Variants in LRP8 observed in about 807,000 individuals in gnomAD.
LRP8 encodes the protein LDL receptor related protein 8.
A neutral mutation model predicts 111.6 loss-of-function variants in LRP8; 46 were observed. The observed-to-expected ratio is 0.41, with a 90% CI of 0.33 to 0.53. LRP8 has a LOEUF of 0.53. Among genes scored for constraint, LRP8 ranks in the 20% least tolerant of loss-of-function variants. The probability of loss-of-function intolerance (pLI) is 0.20; values close to 1 mark genes in which losing one functional copy is unlikely to be tolerated. For missense variants in LRP8, 959 were observed against 1,297.4 expected (o/e 0.74, Z 4.01); for synonymous variants, 464 against 511.2 (o/e 0.91, Z 1.24).
intron 10 of LRP8, among the ~76,000 whole-genome samples, chr1:53,263,477 A>G (rs193005089): frequency 6.4e-4 from 98 of 152,334 alleles, no homozygotes; most frequent in African/African-American, 2.2e-3. Context: ...AACCATCTCA[A>G]GATATCCACA....
rs985056116 is a variant in LRP8, at chr1:53,275,630, C to T, written c.1006+1G>A. ...GTGTTCTGTGCCCTGACCACACGCA[C>T]CCTGTAGGCAGCCAGCTTCATCACT... On this transcript the variant is annotated splice_donor_variant, in intron 6 of 18. Transcript: ENST00000306052. LOFTEE classifies it high-confidence loss of function. The surrounding 1 kb of genome is among the most constrained non-coding windows in gnomAD (Gnocchi z 4.4). 7 of 1,613,824 alleles carry T rather than the reference C, an allele frequency of 4.3e-6. No homozygotes were observed. The highest frequency in any genetic ancestry group is 1.3e-5 in the African/African-American group (1 of 74,900).
chr1:53,256,051 T>C (rs569251521), intron 15 of LRP8, among the ~76,000 whole-genome samples: 1 of 152,364 alleles, frequency 6.6e-6, no homozygotes, highest in Non-Finnish European at 1.5e-5. Context: ...TGCCATGCCA[T>C]CTTTCTCACT....
intron 8 of LRP8, among the ~76,000 whole-genome samples, chr1:53,269,593 G>T (rs1452793148): frequency 6.6e-6 from 1 of 152,068 alleles, no homozygotes; most frequent in Admixed American, 6.6e-5. Context: ...GGGATTACAA[G>T]CGTGAGCCAC....
chr1:53,313,751 G>A (rs1191688055), intron 2 of LRP8, among the ~76,000 whole-genome samples: 1 of 152,176 alleles, frequency 6.6e-6, no homozygotes, highest in Admixed American at 6.5e-5. Flanking sequence ...GACCTGGAGA[G>A]GAGACAGGTA....
intron 8 of LRP8, among the ~76,000 whole-genome samples, chr1:53,269,329 T>A (rs984305841): frequency 1.2e-4 from 19 of 152,038 alleles, no homozygotes; most frequent in East Asian, 5.8e-4. Flanking sequence ...TATTATTTTT[T>A]TTTTTAGAAA....
At chr1:53,305,163 G>A (rs1651703189) in intron 2 of LRP8, 1 of 152,350 alleles carries the variant, frequency 6.6e-6, no homozygotes, top group South Asian at 2.1e-4. Context: ...CACAAAAACA[G>A]GTGAAGGAAC....
intron 1 of LRP8, 109 bp downstream of exon 1, chr1:53,327,680 A>G: frequency 7.7e-7 from 1 of 1,292,518 alleles, no homozygotes; most frequent in East Asian, 3.4e-5. Flanking sequence ...TCCGCCCGGG[A>G]GCCCCCGATA....
chr1:53,324,385 C>T (rs1408069861), intron 2 of LRP8, among the ~76,000 whole-genome samples: 1 of 152,162 alleles, frequency 6.6e-6, no homozygotes. Context: ...TTTATGGCTA[C>T]CAGGAGTCCG....
chr1:53,302,066 GGA>G (rs1219922563), intron 2 of LRP8, among the ~76,000 whole-genome samples: 1 of 152,140 alleles, frequency 6.6e-6, no homozygotes, highest in Non-Finnish European at 1.5e-5. Context: ...TCTGCTGGAG[GGA>G]GAGGAGGCAG....
At chr1:53,253,766 C>T (rs528157486) in intron 16 of LRP8, among the ~76,000 whole-genome samples, 81 of 152,274 alleles carry the variant, frequency 5.3e-4, no homozygotes, top group Admixed American at 2.8e-3. Context: ...TCTCCAGAAG[C>T]GCCACTTTTA....
intron 2 of LRP8, among the ~76,000 whole-genome samples, 196 bp downstream of exon 2, chr1:53,326,677 C>T (rs1487021824): frequency 6.6e-6 from 1 of 152,160 alleles, no homozygotes; most frequent in Non-Finnish European, 1.5e-5. Flanking sequence ...CGCCAGCTTT[C>T]CTGCCCGCTC....
rs571607839 is a variant in LRP8 at position 53,260,575 on chromosome 1, C to T, written c.1945G>A (p.Glu649Lys). The change falls in exon 13 of 19, where the codon GAG (glutamate) becomes AAG (lysine). Residue 649 changes from glutamate to lysine, a missense_variant. Physicochemically the swap from Glu to Lys is moderately conservative, Grantham distance 56. Coordinates refer to ENST00000306052, the MANE Select transcript of LRP8 (RefSeq NM_004631.5). ...DKVFWTDLEN[E>K]AIFSANRLNG... ...AGCCGATTTGCACTGAAAATGGCCT[C>T]GTTCTCCAGGTCTGTCCAGAACACC... The T allele has an allele frequency of 8.7e-6, 14 of 1,614,170 alleles. No individual in the cohort carries two copies. Among genetic ancestry groups the T allele is most frequent in the Admixed American group, 5.0e-5 (3 of 60,026 alleles).
At chr1:53,269,675 A>G (rs1297114991) in intron 8 of LRP8, among the ~76,000 whole-genome samples, 3 of 151,970 alleles carry the variant, frequency 2.0e-5, no homozygotes, top group Admixed American at 6.6e-5. Context: ...ATTCCATTTA[A>G]AACTAGAACC....
At chr1:53,302,083 G>C (rs936216114) in intron 2 of LRP8, among the ~76,000 whole-genome samples, 3 of 152,090 alleles carry the variant, frequency 2.0e-5, no homozygotes, top group African/African-American at 2.4e-5. Flanking sequence ...AGGCAGGCCT[G>C]GGGAGGGCTC....
chr1:53,317,680 C>A lies in LRP8; in HGVS notation c.244+9193G>T, dbSNP rs753612620. Among the ~76,000 whole-genome samples, 4 of 152,198 alleles carry A rather than the reference C, an allele frequency of 2.6e-5. No homozygotes were observed. Among genetic ancestry groups the A allele is most frequent in the Non-Finnish European group, 5.9e-5 (4 of 68,034 alleles). On this transcript the variant is annotated intron_variant, in intron 2 of 18. Transcript: ENST00000306052. This position sits in a 1 kb window ranked among gnomAD's most constrained non-coding sequence, Gnocchi z 4.9. ...GGAAACGCTCATTTTCAGGGCCAGG[C>A]TCTGGGCAAAGTACTTTCCTCAGCC...
intron 15 of LRP8, among the ~76,000 whole-genome samples, chr1:53,255,619 C>A (rs1646056041): frequency 6.6e-6 from 1 of 152,124 alleles, no homozygotes; most frequent in African/African-American, 2.4e-5. Flanking sequence ...TTTTTGTGAA[C>A]TGTCTGTCCA....
chr1:53,313,552 C>G (rs1653380311), intron 2 of LRP8, among the ~76,000 whole-genome samples: 2 of 152,076 alleles, frequency 1.3e-5, no homozygotes, highest in Admixed American at 1.3e-4. Flanking sequence ...ATGAGAGAGC[C>G]CAGAGGAGAC....
At chr1:53,248,604 G>T (rs1645798284) in intron 18 of LRP8, among the ~76,000 whole-genome samples, 1 of 152,204 alleles carries the variant, frequency 6.6e-6, no homozygotes, top group Non-Finnish European at 1.5e-5. Flanking sequence ...GCAAAATGGG[G>T]CGAATAATAT....
At chr1:53,284,834 C>G (rs1647317005) in intron 3 of LRP8, among the ~76,000 whole-genome samples, 1 of 152,200 alleles carries the variant, frequency 6.6e-6, no homozygotes, top group Non-Finnish European at 1.5e-5. Context: ...TGAGAGATCT[C>G]AGAGGTCACA....
Sources: gnomAD v4.1 joint callset for allele counts (sites outside exome capture counted in the v4.1 genomes callset) on GRCh38, gnomAD v4.1.1 for gene constraint, Gnocchi (gnomAD v3.1) non-coding constraint, MANE v1.5 for transcripts, NCBI Gene and HGNC (gene_info 2026-07-23, HGNC 2026-07-21) for gene names.